PDE4B: variants seen among roughly 807,000 people sequenced by gnomAD.
PDE4B encodes 3',5'-cyclic-AMP phosphodiesterase 4B.
In PDE4B, 20 loss-of-function variants were observed where a neutral mutation model predicts 82.2. The ratio of observed to expected loss-of-function variants is 0.24; its 90% CI spans 0.17 to 0.35. PDE4B has a LOEUF of 0.35. Ranked by LOEUF, PDE4B falls within the 10% of genes least tolerant of loss-of-function variation. PDE4B has a pLI of 1.00. For missense variants in PDE4B, 655 were observed against 907.2 expected (o/e 0.72, Z 3.57); for synonymous variants, 320 against 318.9 (o/e 1.00, Z -0.04).
intron 3 of PDE4B, among the ~76,000 whole-genome samples, chr1:66,020,110 G>C (rs867507360): frequency 1.3e-5 from 2 of 152,168 alleles, no homozygotes; most frequent in South Asian, 2.1e-4. Flanking sequence ...TTACTGTTGA[G>C]GAAAGTAGAC....
chr1:65,982,914 G>A (rs1262774800), intron 3 of PDE4B, among the ~76,000 whole-genome samples: 1 of 152,154 alleles, frequency 6.6e-6, no homozygotes, highest in Non-Finnish European at 1.5e-5. Context: ...CAACACTGGG[G>A]CCATCGCCTC....
intron 3 of PDE4B, among the ~76,000 whole-genome samples, chr1:65,929,728 G>T (rs1323382596): frequency 6.6e-6 from 1 of 152,114 alleles, no homozygotes; most frequent in Non-Finnish European, 1.5e-5. Context: ...ATGGTCAAAG[G>T]TATTATGTAT....
intron 3 of PDE4B, among the ~76,000 whole-genome samples, chr1:65,987,687 A>G (rs1451680233): frequency 6.6e-6 from 1 of 152,108 alleles, no homozygotes; most frequent in African/African-American, 2.4e-5. Context: ...ATCTCTGCTC[A>G]CCACAACCTC....
intron 7 of PDE4B, among the ~76,000 whole-genome samples, chr1:66,285,465 C>T (rs1656608776): frequency 6.6e-6 from 1 of 151,876 alleles, no homozygotes; most frequent in Non-Finnish European, 1.5e-5. Flanking sequence ...AACATTGTAC[C>T]CATTAAGAAA....
intron 7 of PDE4B, chr1:66,267,345 T>C (rs1307083999): frequency 1.3e-5 from 2 of 152,232 alleles, no homozygotes; most frequent in African/African-American, 4.8e-5. Context: ...ATAACTCGTG[T>C]TACATACTTG....
chr1:66,161,112 T>C (rs933510080), intron 3 of PDE4B, among the ~76,000 whole-genome samples: 12 of 152,190 alleles, frequency 7.9e-5, no homozygotes, highest in African/African-American at 2.9e-4. Flanking sequence ...ACGCATTATT[T>C]TGGATTGGTT....
At chr1:66,088,590 A>G (rs937205195) in intron 3 of PDE4B, among the ~76,000 whole-genome samples, 1 of 152,034 alleles carries the variant, frequency 6.6e-6, no homozygotes, top group Non-Finnish European at 1.5e-5. Flanking sequence ...CCTATGCTAT[A>G]CTTGTATTTT....
intron 1 of PDE4B, among the ~76,000 whole-genome samples, chr1:65,794,316 A>T (rs966438478): frequency 6.6e-6 from 1 of 152,224 alleles, no homozygotes; most frequent in African/African-American, 2.4e-5. Flanking sequence ...CACATTAAGC[A>T]TAAAAAAAGT....
chr1:65,936,163 C>T (rs1557443828), intron 3 of PDE4B, among the ~76,000 whole-genome samples: 1 of 152,114 alleles, frequency 6.6e-6, no homozygotes, highest in Non-Finnish European at 1.5e-5. Flanking sequence ...TCTTGCCCCA[C>T]TGGAGGGTCT....
At chr1:65,803,285 C>T (rs545534143) in intron 1 of PDE4B, among the ~76,000 whole-genome samples, 2 of 152,092 alleles carry the variant, frequency 1.3e-5, no homozygotes, top group South Asian at 2.1e-4. Context: ...TCTCACCACA[C>T]ATCAAAAGGA....
Position 66,363,569 on chromosome 1 carries a change from G to A in PDE4B, c.1282G>A (p.Asp428Asn). The change falls in exon 12 of 17, where the codon GAC becomes AAC. Residue 428 changes from aspartate (D) to asparagine (N), a missense_variant and splice_region_variant. Around this residue, in one of 3 missense-constraint regions of PDE4B, gnomAD observed 283 missense variants for 516.4 expected, o/e 0.55. Coordinates refer to ENST00000341517, the MANE Select transcript of PDE4B (RefSeq NM_002600.4). ...THVLLSTPAL[D>N]AVFTDLEILA... is the part of the protein sequence containing the mutation. ...TGTTCTCCTTTCTACACCAGCATTAGACGTGAGTAATTATGACCTGTTTTG... is the reference window on the plus strand; with the variant it reads ...TGTTCTCCTTTCTACACCAGCATTAAACGTGAGTAATTATGACCTGTTTTG... 6.2e-7 allele frequency: 1 copy of A among 1,610,536 alleles called. No homozygotes were observed. Among genetic ancestry groups the A allele is most frequent in the Non-Finnish European group, 8.5e-7 (1 of 1,178,554 alleles).
At chr1:66,069,187 A>G (rs569118327) in intron 3 of PDE4B, among the ~76,000 whole-genome samples, 5 of 152,134 alleles carry the variant, frequency 3.3e-5, no homozygotes, top group Admixed American at 6.6e-5. Flanking sequence ...GTGCATCAGC[A>G]AAGTCTGACC....
intron 3 of PDE4B, among the ~76,000 whole-genome samples, chr1:66,116,782 C>T (rs1161217038): frequency 6.6e-6 from 1 of 152,166 alleles, no homozygotes; most frequent in Non-Finnish European, 1.5e-5. Context: ...CCAGGCTGGT[C>T]TCCAGCTCCT....
At chr1:66,282,519 G>A (rs774362476) in intron 7 of PDE4B, among the ~76,000 whole-genome samples, 6 of 152,164 alleles carry the variant, frequency 3.9e-5, no homozygotes, top group Admixed American at 2.0e-4. Context: ...CAAGGAGGCA[G>A]CCATCCAACT....
chr1:65,935,344 C>T (rs771695122), intron 3 of PDE4B, among the ~76,000 whole-genome samples: 19 of 150,848 alleles, frequency 1.3e-4, no homozygotes, highest in Non-Finnish European at 2.2e-4. Flanking sequence ...ATACAACATA[C>T]CAAAACTTAT....
chr1:66,214,881 C>A (rs11581216), intron 3 of PDE4B, among the ~76,000 whole-genome samples: 9,328 of 152,178 alleles, frequency 0.061, 348 homozygotes, highest in African/African-American at 0.095. Context: ...TGAAAGTGAT[C>A]CCCTCTCATA....
At chr1:65,906,611 A>G (rs1406399939) in intron 1 of PDE4B, among the ~76,000 whole-genome samples, 1 of 152,092 alleles carries the variant, frequency 6.6e-6, no homozygotes, top group African/African-American at 2.4e-5. Flanking sequence ...TCATTGAGGC[A>G]TTATTTACAC....
intron 3 of PDE4B, among the ~76,000 whole-genome samples, chr1:66,022,341 C>CTT (rs1553133795): frequency 1.3e-5 from 2 of 151,740 alleles, no homozygotes; most frequent in Non-Finnish European, 3.0e-5. Context: ...ACTTCCAACA[C>CTT]TGTTGAATAG....
chr1:66,062,478 A>C (rs1005819735), intron 3 of PDE4B, among the ~76,000 whole-genome samples: 4 of 152,074 alleles, frequency 2.6e-5, no homozygotes, highest in Non-Finnish European at 4.4e-5. Context: ...CATGACTTCA[A>C]GTGAATTAGG....
Sources: allele counts gnomAD v4.1 joint callset (sites outside exome capture counted in the v4.1 genomes callset), GRCh38; gene constraint gnomAD v4.1.1; regional missense constraint gnomAD v4.1.1; transcripts MANE v1.5; gene names NCBI Gene and HGNC (gene_info 2026-07-23, HGNC 2026-07-21).